ARHGAP44: variants seen among roughly 807,000 people sequenced by gnomAD.
ARHGAP44 encodes Rho GTPase activating protein 44, also known as rho GTPase-activating protein 44.
In ARHGAP44, 43 loss-of-function variants were observed where a neutral mutation model predicts 106.8. The observed-to-expected ratio is 0.40, with a 90% CI of 0.32 to 0.52. ARHGAP44 has a LOEUF of 0.52. Among genes scored for constraint, ARHGAP44 ranks in the 20% least tolerant of loss-of-function variants. The pLI is 0.48. For missense variants in ARHGAP44, 866 were observed against 1,050.5 expected, an observed-to-expected ratio of 0.82 and a Z score of 2.43; for synonymous variants, 439 against 410.3, an observed-to-expected ratio of 1.07 and a Z score of -0.85.
At chr17:12,859,866 C>T (rs1013991181) in intron 1 of ARHGAP44, among the ~76,000 whole-genome samples, 3 of 152,090 alleles carry the variant, frequency 2.0e-5, no homozygotes, top group East Asian at 1.9e-4. Context: ...CAGTTAACAC[C>T]GAAAGGAGTG....
chr17:12,796,602 GT>G (rs201727533), intron 1 of ARHGAP44, among the ~76,000 whole-genome samples: 34 of 143,120 alleles, frequency 2.4e-4, no homozygotes, highest in Non-Finnish European at 2.8e-4. Context: ...ACTTTTCTTT[GT>G]TTTTTTTTTT....
chr17:12,877,535 A>T (rs962277343), intron 1 of ARHGAP44, among the ~76,000 whole-genome samples: 1 of 152,204 alleles, frequency 6.6e-6, no homozygotes, highest in Non-Finnish European at 1.5e-5. Flanking sequence ...AAAGAACTTT[A>T]AAAAATGACC....
At chr17:12,973,189 C>T (rs2039572666) in intron 16 of ARHGAP44, 113 bp from the exon 17 acceptor site, 3 of 1,064,514 alleles carry the variant, frequency 2.8e-6, no homozygotes, top group Admixed American at 2.7e-5. Context: ...ATAAAAATCC[C>T]ACCCCAAGAC....
chr17:12,860,558 C>G (rs1241647184), intron 1 of ARHGAP44, among the ~76,000 whole-genome samples: 1 of 152,250 alleles, frequency 6.6e-6, no homozygotes, highest in East Asian at 1.9e-4. Flanking sequence ...TCTACAATAT[C>G]TACAGATACA....
At chr17:12,843,650 A>C (rs917330428) in intron 1 of ARHGAP44, among the ~76,000 whole-genome samples, 3 of 113,996 alleles carry the variant, frequency 2.6e-5, no homozygotes, top group African/African-American at 7.8e-5. Context: ...AGTATTGGTT[A>C]CTTTTTTTTT....
intron 1 of ARHGAP44, among the ~76,000 whole-genome samples, chr17:12,829,998 T>A (rs1409823696): frequency 6.6e-6 from 1 of 152,210 alleles, no homozygotes; most frequent in Non-Finnish European, 1.5e-5. Flanking sequence ...AATATTAGAA[T>A]AAATGAATGA....
At chr17:12,969,722 C>G (rs950048656) in intron 16 of ARHGAP44, among the ~76,000 whole-genome samples, 1 of 152,192 alleles carries the variant, frequency 6.6e-6, no homozygotes, top group Non-Finnish European at 1.5e-5. Context: ...GCTTAGCTAG[C>G]TAGACCCTAC....
chr17:12,839,069 C>G (rs985350189), intron 1 of ARHGAP44, among the ~76,000 whole-genome samples: 3 of 152,104 alleles, frequency 2.0e-5, no homozygotes, highest in African/African-American at 4.8e-5. Context: ...CCACCAAACC[C>G]TCTTTGTGTC....
At chr17:12,865,485 A>G (rs1300744458) in intron 1 of ARHGAP44, among the ~76,000 whole-genome samples, 1 of 152,134 alleles carries the variant, frequency 6.6e-6, no homozygotes, top group East Asian at 1.9e-4. Context: ...GCCGAAAGGT[A>G]AGAGGTCAGA....
chr17:12,824,191 G>T (rs1292288360), intron 1 of ARHGAP44, among the ~76,000 whole-genome samples: 1 of 152,064 alleles, frequency 6.6e-6, no homozygotes, highest in Non-Finnish European at 1.5e-5. Flanking sequence ...CTGTGTGGAT[G>T]ACTCTCAAAC....
chr17:12,790,398 G>GGA (rs1387077526), intron 1 of ARHGAP44: 1 of 154,552 alleles, frequency 6.5e-6, no homozygotes, highest in African/African-American at 2.4e-5. Context: ...GACTATGACT[G>GGA]TACGAGATTC....
chr17:12,895,020 A>G (rs1598012290), intron 2 of ARHGAP44, 41 bp downstream of exon 2: 2 of 1,558,944 alleles, frequency 1.3e-6, no homozygotes, highest in Non-Finnish European at 8.7e-7. Context: ...TACCAGAGAT[A>G]TATGGGAGGC....
chr17:12,981,795 G>T (rs1331611764), intron 19 of ARHGAP44, among the ~76,000 whole-genome samples: 1 of 151,202 alleles, frequency 6.6e-6, no homozygotes, highest in African/African-American at 2.4e-5. Context: ...CAGATTGCCT[G>T]AGCTCAGGAG....
intron 3 of ARHGAP44, among the ~76,000 whole-genome samples, chr17:12,903,373 A>G (rs1459970158): frequency 1.3e-5 from 2 of 152,048 alleles, no homozygotes; most frequent in Non-Finnish European, 2.9e-5. Context: ...TGCATTCTAG[A>G]GCTAGGGAGA....
At chr17:12,861,653 T>TTTTTTTTTTTTATTTTTGAGATGGAA in intron 1 of ARHGAP44, among the ~76,000 whole-genome samples, 1 of 59,146 alleles carries the variant, frequency 1.7e-5, no homozygotes, top group South Asian at 5.7e-4. Flanking sequence ...ACTTTTTTTT[T>TTTTTTTTTTTTATTTTTGAGATGGAA]TTTTTGAGAT....
At chr17:12,970,914 T>C (rs1386685174) in intron 16 of ARHGAP44, among the ~76,000 whole-genome samples, 1 of 152,228 alleles carries the variant, frequency 6.6e-6, no homozygotes, top group Non-Finnish European at 1.5e-5. Context: ...ACATATACCA[T>C]CTTGCTTTGG....
chr17:12,949,622 C>G lies in ARHGAP44; in HGVS notation c.974-27C>G, dbSNP rs370611827. On this transcript the variant is annotated intron_variant, in intron 11 of 20. Coordinates refer to ENST00000379672, the MANE Select transcript of ARHGAP44 (RefSeq NM_014859.6). This position sits in a 1 kb window ranked among gnomAD's most constrained non-coding sequence, Gnocchi z 4.1. ...TTGCCTCTGCCACATCATAACAGTT[C>G]ACAACCAATATTTCATTCATGCCTA... The G allele has an allele frequency of 4.1e-5, 66 of 1,609,860 alleles. 6 individuals are homozygous for G. Among genetic ancestry groups the G allele is most frequent in the Admixed American group, 3.8e-4 (23 of 59,944 alleles).
At chr17:12,823,339 T>C (rs8074221) in intron 1 of ARHGAP44, among the ~76,000 whole-genome samples, 26,767 of 152,108 alleles carry the variant, frequency 0.18, 2,903 homozygotes, top group African/African-American at 0.3. Flanking sequence ...GATCAGCTTG[T>C]TCTTCATTCT....
At chr17:12,951,764 G>GA (rs2038996741) in intron 12 of ARHGAP44, among the ~76,000 whole-genome samples, 1 of 152,188 alleles carries the variant, frequency 6.6e-6, no homozygotes, top group African/African-American at 2.4e-5. Context: ...CTAGAACAGT[G>GA]ATTTCCAACC....
Sources: gnomAD v4.1 joint callset for allele counts (sites outside exome capture counted in the v4.1 genomes callset) on GRCh38, gnomAD v4.1.1 for gene constraint, Gnocchi (gnomAD v3.1) non-coding constraint, MANE v1.5 for transcripts, NCBI Gene and HGNC (gene_info 2026-07-23, HGNC 2026-07-21) for gene names.